The following KHDRBS2 variants were observed in gnomAD, a reference collection of about 807,000 sequenced individuals.
The protein encoded by KHDRBS2 is KH RNA binding domain containing, signal transduction associated 2.
KHDRBS2 carries 26 observed loss-of-function variants against 44.3 expected under a neutral mutation model. The observed-to-expected ratio is 0.59, with a 90% CI of 0.43 to 0.81. KHDRBS2 has a LOEUF of 0.81. Among genes scored for constraint, KHDRBS2 ranks in the 40% least tolerant of loss-of-function variants. The pLI, the probability that KHDRBS2 is intolerant of heterozygous loss-of-function variation, is 0.00. For missense variants in KHDRBS2, 476 were observed against 433.1 expected (o/e 1.10, Z -0.88); for synonymous variants, 194 against 151.1 (o/e 1.28, Z -2.08).
chr6:62,025,470 T>C (rs1020341684), intron 3 of KHDRBS2, among the ~76,000 whole-genome samples: 2 of 151,902 alleles, frequency 1.3e-5, no homozygotes, highest in Non-Finnish European at 2.9e-5. Context: ...AATATTCTTC[T>C]ACATATGTAC....
chr6:61,565,983 G>C, the KHDRBS2 span, among the ~76,000 whole-genome samples: 5 of 142,242 alleles, frequency 3.5e-5, no homozygotes. Context: ...ACAGATGTAT[G>C]GGTAAAGAAA....
chr6:61,890,061 A>G (rs1290302494), intron 6 of KHDRBS2, among the ~76,000 whole-genome samples: 6 of 152,088 alleles, frequency 3.9e-5, no homozygotes, highest in Non-Finnish European at 8.8e-5. Context: ...TCTCTACCTC[A>G]TTAATTTTTA....
At chr6:61,952,687 T>C (rs1765017538) in intron 4 of KHDRBS2, among the ~76,000 whole-genome samples, 2 of 152,080 alleles carry the variant, frequency 1.3e-5, no homozygotes, top group African/African-American at 4.8e-5. Context: ...TGGATATCAT[T>C]ACATACTTGA....
chr6:61,998,562 T>C (rs567399763), intron 3 of KHDRBS2, among the ~76,000 whole-genome samples: 1 of 152,138 alleles, frequency 6.6e-6, no homozygotes, highest in African/African-American at 2.4e-5. Flanking sequence ...TTCTTTATCT[T>C]TATTTTTGGA....
At chr6:61,629,227 T>C in the KHDRBS2 span, among the ~76,000 whole-genome samples, 5 of 152,084 alleles carry the variant, frequency 3.3e-5, no homozygotes, top group Non-Finnish European at 5.9e-5. Flanking sequence ...ATAATAAAGG[T>C]TCACTTCTCC....
chr6:61,721,101 T>A (rs1772423735), intron 7 of KHDRBS2, among the ~76,000 whole-genome samples: 1 of 151,950 alleles, frequency 6.6e-6, no homozygotes, highest in Non-Finnish European at 1.5e-5. Flanking sequence ...ATATGCGGCA[T>A]TATTTCTGAG....
Position 62,156,417 on chromosome 6 carries a change from C to T in KHDRBS2, c.219+20768G>A, listed in dbSNP as rs545637452. On this transcript the variant is annotated intron_variant, in intron 2 of 8. Transcript: ENST00000281156. Reference sequence around the variant, plus strand: ...GCCAGTTCGGTAGACTTAGATTGAACTAAAAGCAAGATGAAGTAATGGCAT... The same window carrying T: ...GCCAGTTCGGTAGACTTAGATTGAATTAAAAGCAAGATGAAGTAATGGCAT... Among the ~76,000 whole-genome samples, 3 of 152,118 alleles carry T rather than the reference C, an allele frequency of 2.0e-5. No homozygotes were observed. In the South Asian group the frequency reaches 6.2e-4, roughly 32 times the overall value.
intron 2 of KHDRBS2, among the ~76,000 whole-genome samples, chr6:62,089,977 G>T (rs1459918181): frequency 6.6e-6 from 1 of 152,022 alleles, no homozygotes; most frequent in African/African-American, 2.4e-5. Context: ...CATGTTGACT[G>T]GGGCGTCCAC....
intron 3 of KHDRBS2, among the ~76,000 whole-genome samples, chr6:62,021,094 C>A (rs1401816914): frequency 6.6e-6 from 1 of 151,960 alleles, no homozygotes; most frequent in East Asian, 1.9e-4. Flanking sequence ...ATGGATGGAG[C>A]TGGAGGCCAT....
chr6:61,678,200 C>T (rs942456397), downstream of KHDRBS2, among the ~76,000 whole-genome samples: 3 of 152,034 alleles, frequency 2.0e-5, no homozygotes, highest in South Asian at 6.2e-4. Flanking sequence ...AAACATCACA[C>T]TAAGTCATTT....
At chr6:61,724,683 TA>T (rs1212976844) in intron 7 of KHDRBS2, among the ~76,000 whole-genome samples, 3 of 152,076 alleles carry the variant, frequency 2.0e-5, no homozygotes, top group Non-Finnish European at 4.4e-5. Flanking sequence ...AAATAGACTT[TA>T]AACCAACAAA....
chr6:61,735,394 A>T (rs1293612347), intron 6 of KHDRBS2, among the ~76,000 whole-genome samples: 3 of 152,174 alleles, frequency 2.0e-5, no homozygotes, highest in Non-Finnish European at 4.4e-5. Flanking sequence ...CTCCTTAAAA[A>T]TCACAATAAA....
chr6:61,705,892 G>A (rs892818982), intron 7 of KHDRBS2, among the ~76,000 whole-genome samples: 1 of 151,718 alleles, frequency 6.6e-6, no homozygotes, highest in African/African-American at 2.4e-5. Context: ...AAATAACATG[G>A]TATTGTTGAA....
At chr6:62,250,802 A>G (rs1289592937) in intron 1 of KHDRBS2, among the ~76,000 whole-genome samples, 1 of 151,992 alleles carries the variant, frequency 6.6e-6, no homozygotes, top group African/African-American at 2.4e-5. Context: ...AGAAATAAGG[A>G]AGGTTATTTC....
chr6:61,856,803 T>A (rs982760246), intron 6 of KHDRBS2, among the ~76,000 whole-genome samples: 1 of 152,030 alleles, frequency 6.6e-6, no homozygotes, highest in African/African-American at 2.4e-5. Flanking sequence ...TGGCAGGCAC[T>A]TAAAGAGGTC....
intron 2 of KHDRBS2, among the ~76,000 whole-genome samples, chr6:62,095,590 C>T (rs1800414055): frequency 6.6e-6 from 1 of 151,816 alleles, no homozygotes; most frequent in African/African-American, 2.4e-5. Flanking sequence ...GAAGAAATCA[C>T]CTAACAATGC....
the KHDRBS2 span, among the ~76,000 whole-genome samples, chr6:61,597,086 T>G: frequency 6.6e-6 from 1 of 152,212 alleles, no homozygotes; most frequent in African/African-American, 2.4e-5. Flanking sequence ...AGTTAAGGCA[T>G]GATAGTCAGG....
At chr6:61,589,912 A>G in the KHDRBS2 span, among the ~76,000 whole-genome samples, 1 of 152,170 alleles carries the variant, frequency 6.6e-6, no homozygotes, top group African/African-American at 2.4e-5. Flanking sequence ...AGGCAACCTT[A>G]TGATATATTT....
At chr6:61,863,603 C>T (rs996934076) in intron 6 of KHDRBS2, among the ~76,000 whole-genome samples, 2 of 152,040 alleles carry the variant, frequency 1.3e-5, no homozygotes, top group African/African-American at 4.8e-5. Flanking sequence ...TGAGTGAATA[C>T]CTTAATCTTG....
Sources: allele counts gnomAD v4.1 joint callset (sites outside exome capture counted in the v4.1 genomes callset), GRCh38; gene constraint gnomAD v4.1.1; transcripts MANE v1.5; gene names NCBI Gene and HGNC (gene_info 2026-07-23, HGNC 2026-07-21).